BABAM2: variants seen among roughly 807,000 people sequenced by gnomAD.
The protein encoded by BABAM2 is BRISC and BRCA1-A complex member 2.
Under a neutral mutation model 54.7 loss-of-function variants are expected in BABAM2, and 31 were observed. The observed-to-expected ratio is 0.57, with a 90% CI of 0.43 to 0.77. The LOEUF (loss-of-function observed/expected upper bound fraction) is 0.77, where lower values mean the gene tolerates loss of function less well. BABAM2 is among the 30% of genes least tolerant of loss of function. The probability of loss-of-function intolerance (pLI) is 0.00; values close to 1 mark genes in which losing one functional copy is unlikely to be tolerated. For missense variants in BABAM2, 364 were observed against 455.8 expected, an observed-to-expected ratio of 0.80 and a Z score of 1.83; for synonymous variants, 167 against 162.9, an observed-to-expected ratio of 1.03 and a Z score of -0.19.
chr2:28,074,460 A>T (rs1195945683), intron 6 of BABAM2, among the ~76,000 whole-genome samples: 3 of 152,218 alleles, frequency 2.0e-5, no homozygotes, highest in Non-Finnish European at 4.4e-5. Flanking sequence ...CTGAATATTC[A>T]TTCAACAGAT....
intron 7 of BABAM2, among the ~76,000 whole-genome samples, chr2:28,218,689 T>A (rs1338124313): frequency 6.6e-6 from 1 of 152,178 alleles, no homozygotes; most frequent in East Asian, 1.9e-4. Context: ...GTTTTCTCTT[T>A]AATAAGAACT....
intron 11 of BABAM2, among the ~76,000 whole-genome samples, chr2:28,323,492 G>A (rs1690198043): frequency 6.6e-6 from 1 of 152,172 alleles, no homozygotes; most frequent in Non-Finnish European, 1.5e-5. Context: ...AATAATAATG[G>A]ATAATAGTAT....
At chr2:28,043,159 T>G (rs1677262077) in intron 5 of BABAM2, among the ~76,000 whole-genome samples, 1 of 150,704 alleles carries the variant, frequency 6.6e-6, no homozygotes. Flanking sequence ...GACGGAGTCT[T>G]GCTCTGTCGC....
At chr2:27,916,517 G>C (rs1298423114) in intron 2 of BABAM2, among the ~76,000 whole-genome samples, 1 of 152,202 alleles carries the variant, frequency 6.6e-6, no homozygotes, top group Non-Finnish European at 1.5e-5. Flanking sequence ...GTCCACTCCA[G>C]CTCTACCTTG....
At chr2:28,238,128 G>A (rs1682086502) in intron 8 of BABAM2, among the ~76,000 whole-genome samples, 1 of 152,202 alleles carries the variant, frequency 6.6e-6, no homozygotes, top group Admixed American at 6.5e-5. Flanking sequence ...GGGATTACAG[G>A]CGTGAGCCAC....
At chr2:28,167,206 C>T (rs563809317) in intron 7 of BABAM2, among the ~76,000 whole-genome samples, 93 of 152,188 alleles carry the variant, frequency 6.1e-4, no homozygotes, top group African/African-American at 1.1e-3. Flanking sequence ...ATACTTGCAC[C>T]GTCACTAGTT....
chr2:28,013,301 GTCATCTCT>G (rs1308241300), intron 4 of BABAM2: 1 of 450,780 alleles, frequency 2.2e-6, no homozygotes, highest in Non-Finnish European at 4.4e-6. Flanking sequence ...CCACCAGTAG[GTCATCTCT>G]TGGTAGATAT....
chr2:27,979,130 C>T (rs139985978), intron 3 of BABAM2, among the ~76,000 whole-genome samples: 4,692 of 151,598 alleles, frequency 0.031, 99 homozygotes, highest in South Asian at 0.1. Flanking sequence ...TGGATTCAAG[C>T]AATTCTCCTG....
intron 11 of BABAM2, among the ~76,000 whole-genome samples, chr2:28,318,389 G>A (rs1689746622): frequency 6.6e-6 from 1 of 152,236 alleles, no homozygotes. Flanking sequence ...CAAGGCCAGA[G>A]TTGAATTGTT....
At chr2:28,296,849 T>G (rs1687735778) in intron 10 of BABAM2, among the ~76,000 whole-genome samples, 2 of 152,074 alleles carry the variant, frequency 1.3e-5, no homozygotes, top group South Asian at 4.2e-4. Context: ...CACCACGCCT[T>G]GCTAATTTTT....
At position 28,289,812 on chromosome 2, in the gene BABAM2, G is replaced by A. The variant is rs114628443; in HGVS notation, c.935-8526G>A. Among the ~76,000 whole-genome samples, 1,106 of 151,798 alleles carry A rather than the reference G, an allele frequency of 7.3e-3. 10 individuals are homozygous for A. Among genetic ancestry groups the A allele is most frequent in the African/African-American group, 0.025 (1,048 of 41,404 alleles). On this transcript the variant is annotated intron_variant, in intron 10 of 11. Coordinates refer to ENST00000379624, the MANE Select transcript of BABAM2 (RefSeq NM_199191.3). The stretch of plus-strand genomic sequence containing the variant: ...TCAAAAAAGAAAAAAAGAAAGGAAA[G>A]GAAAGGAGAAAGGAATAGCAGAAAG...
intron 4 of BABAM2, among the ~76,000 whole-genome samples, chr2:27,989,344 T>A (rs997633101): frequency 2.0e-5 from 3 of 152,120 alleles, no homozygotes; most frequent in Non-Finnish European, 4.4e-5. Context: ...AAAAGCTTTG[T>A]AGTTGAGGCG....
In BABAM2 at chr2:28,304,223, T is replaced by C. The variant is rs983267983; in HGVS notation, c.1088+5732T>C. Among the ~76,000 whole-genome samples, 2 of 151,946 alleles carry C rather than the reference T, an allele frequency of 1.3e-5. No individual in the cohort carries two copies. Among genetic ancestry groups the C allele is most frequent in the African/African-American group, 4.8e-5 (2 of 41,358 alleles). The stretch of plus-strand genomic sequence containing the variant: ...GGCGCCCGCCACTATGCCCGGCCAA[T>C]TTTTGTGTTTTTAGTACAGACAGGG... On this transcript the variant is annotated intron_variant, in intron 11 of 11. Transcript: ENST00000379624. The surrounding 1 kb of genome is among the most constrained non-coding windows in gnomAD (Gnocchi z 4.0).
At chr2:28,239,364 A>C (rs1682202509) in intron 8 of BABAM2, among the ~76,000 whole-genome samples, 1 of 152,214 alleles carries the variant, frequency 6.6e-6, no homozygotes, top group South Asian at 2.1e-4. Flanking sequence ...GGCTATAGCC[A>C]ATATAAACAA....
chr2:27,967,554 G>T (rs1372704573), intron 3 of BABAM2, among the ~76,000 whole-genome samples: 3 of 152,156 alleles, frequency 2.0e-5, no homozygotes, highest in African/African-American at 7.2e-5. Context: ...GTAGAGTGGG[G>T]TGCTGCTGAA....
chr2:28,232,038 C>T (rs540873028), intron 7 of BABAM2, among the ~76,000 whole-genome samples: 83 of 151,808 alleles, frequency 5.5e-4, no homozygotes, highest in Non-Finnish European at 1.1e-3. Context: ...ACTCCTGGCC[C>T]GGAGCAGTCA....
intron 7 of BABAM2, among the ~76,000 whole-genome samples, chr2:28,132,926 G>A (rs1670213390): frequency 6.6e-6 from 1 of 152,156 alleles, no homozygotes; most frequent in South Asian, 2.1e-4. Flanking sequence ...CTAATTGGCA[G>A]TCTTCTAGGT....
Position 28,250,583 on chromosome 2 carries a change from T to C in BABAM2, c.934+5721T>C, listed in dbSNP as rs1437500236. ...CTATAAACAATCATATATATTTTTT[T>C]CTTTTTTTTTTGTTTGTTTGTTTGT... is the stretch of plus-strand genomic sequence containing the variant. On this transcript the variant is annotated intron_variant, in intron 10 of 11. Transcript: ENST00000379624. Among the ~76,000 whole-genome samples the C allele has an allele frequency of 5.0e-4, 8 of 16,158 alleles. No individual in the cohort carries two copies. In the South Asian group the frequency reaches 0.032, roughly 64 times the overall value. 10.6% of individuals were successfully genotyped at this position (16,158 alleles called of 152,430 possible).
chr2:27,968,894 A>G (rs939975235), intron 3 of BABAM2, among the ~76,000 whole-genome samples: 1 of 152,178 alleles, frequency 6.6e-6, no homozygotes, highest in Non-Finnish European at 1.5e-5. Context: ...CCTTTGGGGA[A>G]CTGTTGGGAA....
Sources: gnomAD v4.1 joint callset for allele counts (sites outside exome capture counted in the v4.1 genomes callset) on GRCh38, gnomAD v4.1.1 for gene constraint, Gnocchi (gnomAD v3.1) non-coding constraint, MANE v1.5 for transcripts, NCBI Gene and HGNC (gene_info 2026-07-23, HGNC 2026-07-21) for gene names.